Variants in NEK11 observed in about 807,000 individuals in gnomAD.
NEK11 encodes the protein serine/threonine-protein kinase Nek11.
A neutral mutation model predicts 80.7 loss-of-function variants in NEK11; 72 were observed. The observed-to-expected ratio is 0.89, with a 90% CI of 0.74 to 1.08. The LOEUF (loss-of-function observed/expected upper bound fraction) is 1.08, where lower values mean the gene tolerates loss of function less well. Ranked by LOEUF, NEK11 falls within the 50% of genes least tolerant of loss-of-function variation. The pLI, the probability that NEK11 is intolerant of heterozygous loss-of-function variation, is 0.00. For missense variants in NEK11, 764 were observed against 763.6 expected, an observed-to-expected ratio of 1.00 and a Z score of -0.01; for synonymous variants, 251 against 260.7, an observed-to-expected ratio of 0.96 and a Z score of 0.36.
intron 3 of NEK11, among the ~76,000 whole-genome samples, chr3:131,065,478 A>G (rs1222975688): frequency 6.6e-6 from 1 of 152,206 alleles, no homozygotes; most frequent in African/African-American, 2.4e-5. Flanking sequence ...CCTGAACACC[A>G]GGGGTATGAT....
intron 14 of NEK11, among the ~76,000 whole-genome samples, chr3:131,215,709 T>A (rs1211878476): frequency 6.6e-6 from 1 of 152,332 alleles, no homozygotes; most frequent in East Asian, 1.9e-4. Context: ...CATCCACAAC[T>A]GTGAGAGCTG....
chr3:131,337,646 AAAAT>A (rs1211599727), intron 17 of NEK11, among the ~76,000 whole-genome samples: 3 of 149,306 alleles, frequency 2.0e-5, no homozygotes, highest in Non-Finnish European at 4.4e-5. Flanking sequence ...TAAATAAATA[AAAAT>A]AAATAAAAAT....
In NEK11 at chr3:131,049,246, T is replaced by C. The variant is rs2067944941; in HGVS notation, c.170+19368T>C. 2.0e-5 allele frequency among the ~76,000 whole-genome samples: 3 copies of C among 152,336 alleles called. No individual in the cohort carries two copies. In the South Asian group the frequency reaches 6.2e-4, roughly 32 times the overall value. On this transcript the variant is annotated intron_variant, in intron 3 of 17. Coordinates refer to ENST00000383366, the MANE Select transcript of NEK11 (RefSeq NM_024800.5). Reference sequence around the variant, plus strand: ...TGGACCTCATGGTATGGACTCAGCATGATTATGTTCTATGTAGAATCTAGA... The same window carrying C: ...TGGACCTCATGGTATGGACTCAGCACGATTATGTTCTATGTAGAATCTAGA...
At chr3:131,073,614 G>A (rs540353121) in intron 3 of NEK11, among the ~76,000 whole-genome samples, 43 of 152,288 alleles carry the variant, frequency 2.8e-4, no homozygotes, top group South Asian at 8.3e-4. Flanking sequence ...TAATTGGTTT[G>A]CAGTTTCATT....
At chr3:131,267,967 A>G (rs961950216) in intron 16 of NEK11, among the ~76,000 whole-genome samples, 1 of 151,898 alleles carries the variant, frequency 6.6e-6, no homozygotes, top group Non-Finnish European at 1.5e-5. Context: ...GGCTTTATTC[A>G]TTCCTTTTCA....
intron 3 of NEK11, among the ~76,000 whole-genome samples, chr3:131,037,378 G>A (rs2065814730): frequency 6.6e-6 from 1 of 151,452 alleles, no homozygotes; most frequent in Admixed American, 6.6e-5. Flanking sequence ...CCATCTCCCA[G>A]TTTCAAGCAA....
rs188259745 is a variant in NEK11, at chr3:131,051,267, G to A, written c.170+21389G>A. 7.3e-4 allele frequency among the ~76,000 whole-genome samples: 111 copies of A among 152,292 alleles called. 2 individuals carry two copies. The highest frequency in any genetic ancestry group is 2.8e-4 in the Non-Finnish European group (19 of 68,014). On this transcript the variant is annotated intron_variant, in intron 3 of 17. Transcript: ENST00000383366. Reference sequence around the variant, plus strand: ...CAGTTGGCTTTCCGTTGGACACTCTGGCACTGAGGAGTGCACATAACTCTG... The same window carrying A: ...CAGTTGGCTTTCCGTTGGACACTCTAGCACTGAGGAGTGCACATAACTCTG...
chr3:131,287,321 TG>T (rs2096485424), intron 17 of NEK11, among the ~76,000 whole-genome samples: 1 of 152,212 alleles, frequency 6.6e-6, no homozygotes, highest in Non-Finnish European at 1.5e-5. Context: ...TCATCCGGGC[TG>T]GGGTGCAGTG....
At chr3:131,214,695 A>ATGTGTG (rs57370577) in intron 14 of NEK11, among the ~76,000 whole-genome samples, 29,496 of 147,484 alleles carry the variant, frequency 0.2, 3,028 homozygotes, top group East Asian at 0.27. Flanking sequence ...ATGTGCGTGC[A>ATGTGTG]TGTGTGTGTG....
rs748361250 is a variant in NEK11 at position 131,152,416 on chromosome 3, T to G, written c.676T>G (p.Cys226Gly). 2 of 1,613,138 alleles carry G rather than the reference T, an allele frequency of 1.2e-6. No homozygotes were observed. Among genetic ancestry groups the G allele is most frequent in the Admixed American group, 1.7e-5 (1 of 59,786 alleles). The change falls in exon 8 of 18, where the codon TGC (cysteine) becomes GGC (glycine). Residue 226 changes from cysteine to glycine, a missense_variant. Coordinates refer to ENST00000383366, the MANE Select transcript of NEK11 (RefSeq NM_024800.5). ...ACTGGCATGCATTTTGTATGAGATG[T>G]GCTGCATGAATCATGCATTCGCTGG... ...WSLACILYEM[C>G]CMNHAFAGSN...
At chr3:131,159,303 G>C (rs891994836) in intron 10 of NEK11, among the ~76,000 whole-genome samples, 1 of 152,150 alleles carries the variant, frequency 6.6e-6, no homozygotes, top group African/African-American at 2.4e-5. Context: ...TGAAATGACA[G>C]AAATAGAATT....
intron 16 of NEK11, among the ~76,000 whole-genome samples, chr3:131,243,774 G>A (rs1433634115): frequency 6.6e-6 from 1 of 152,038 alleles, no homozygotes; most frequent in African/African-American, 2.4e-5. Context: ...ATAATAACAA[G>A]TTTGTGCAGT....
chr3:131,047,294 C>T (rs1353211319), intron 3 of NEK11, among the ~76,000 whole-genome samples: 1 of 152,118 alleles, frequency 6.6e-6, no homozygotes, highest in Non-Finnish European at 1.5e-5. Context: ...GAGATTTCTT[C>T]TTGGTTCGGA....
At chr3:131,038,209 G>A (rs2065937853) in intron 3 of NEK11, among the ~76,000 whole-genome samples, 1 of 152,104 alleles carries the variant, frequency 6.6e-6, no homozygotes, top group Non-Finnish European at 1.5e-5. Context: ...GTTCCTCTAG[G>A]TAAATATAGA....
intron 5 of NEK11, among the ~76,000 whole-genome samples, chr3:131,117,167 G>A (rs1033381161): frequency 2.6e-5 from 4 of 152,188 alleles, no homozygotes; most frequent in African/African-American, 7.2e-5. Context: ...GTGTAAGGAA[G>A]GGACCCAGTT....
At chr3:131,070,731 A>G (rs780045769) in intron 3 of NEK11, among the ~76,000 whole-genome samples, 22 of 152,330 alleles carry the variant, frequency 1.4e-4, no homozygotes, top group Non-Finnish European at 7.4e-5. Context: ...CTTACTCATT[A>G]GACACTGAAG....
intron 3 of NEK11, among the ~76,000 whole-genome samples, chr3:131,074,744 G>A (rs1163958570): frequency 6.6e-6 from 1 of 152,116 alleles, no homozygotes; most frequent in African/African-American, 2.4e-5. Flanking sequence ...TTGCAAAAGT[G>A]AACATCCTGA....
intron 16 of NEK11, among the ~76,000 whole-genome samples, chr3:131,267,832 G>T (rs947686996): frequency 6.6e-6 from 1 of 152,078 alleles, no homozygotes; most frequent in South Asian, 2.1e-4. Flanking sequence ...TTGCTAGGTT[G>T]GGGAAGTTCT....
At chr3:131,043,209 A>G (rs1402068287) in intron 3 of NEK11, among the ~76,000 whole-genome samples, 1 of 152,228 alleles carries the variant, frequency 6.6e-6, no homozygotes, top group Non-Finnish European at 1.5e-5. Context: ...CCACTTCTCC[A>G]AAGGATCACA....
Sources: allele counts gnomAD v4.1 joint callset (sites outside exome capture counted in the v4.1 genomes callset), GRCh38; gene constraint gnomAD v4.1.1; transcripts MANE v1.5; gene names NCBI Gene and HGNC (gene_info 2026-07-23, HGNC 2026-07-21).